The following FAM227B variants were observed in gnomAD, a reference collection of about 807,000 sequenced individuals.
FAM227B encodes the protein protein FAM227B.
A neutral mutation model predicts 73.8 loss-of-function variants in FAM227B; 88 were observed. That is an observed-to-expected ratio of 1.19 (90% confidence interval 1.00 to 1.42). The LOEUF is 1.42. Among genes scored for constraint, FAM227B ranks in the 40% most tolerant of loss-of-function variants. The pLI is 0.00. For missense variants in FAM227B, 632 were observed against 590.9 expected, an observed-to-expected ratio of 1.07 and a Z score of -0.72; for synonymous variants, 210 against 190.5, an observed-to-expected ratio of 1.10 and a Z score of -0.84.
rs2051783074 is a variant in FAM227B at position 49,442,682 on chromosome 15, G to C, written c.1012+65529C>G. 4.0e-5 allele frequency among the ~76,000 whole-genome samples: 6 copies of C among 151,662 alleles called. No homozygotes were observed. In the South Asian group the frequency reaches 1.2e-3, roughly 31 times the overall value. On this transcript the variant is annotated intron_variant, in intron 11 of 15. Transcript: ENST00000299338. Reference sequence around the variant, plus strand: ...TTTTATTGTTGCCTGCCATTATAAAGCTGCAGGTAAAGGAAATCTACTAGC... The same window carrying C: ...TTTTATTGTTGCCTGCCATTATAAACCTGCAGGTAAAGGAAATCTACTAGC...
rs555358460 is a variant in FAM227B, at chr15:49,332,462, C to G, written c.1350-613G>C. ...CTCATGATATCTGTCACCAAGTATTCATTCAAGAAATATTTATGAAGGACT... is the reference window on the plus strand; with the variant it reads ...CTCATGATATCTGTCACCAAGTATTGATTCAAGAAATATTTATGAAGGACT... On this transcript the variant is annotated intron_variant, in intron 14 of 15. Transcript: ENST00000299338. 2.6e-5 allele frequency among the ~76,000 whole-genome samples: 4 copies of G among 152,256 alleles called. No individual in the cohort carries two copies. The East Asian group carries it at 7.7e-4, about 29-fold the overall frequency.
chr15:49,560,315 A>G (rs2074140053), intron 9 of FAM227B, among the ~76,000 whole-genome samples: 1 of 152,176 alleles, frequency 6.6e-6, no homozygotes, highest in African/African-American at 2.4e-5. Context: ...TAACCCAGTC[A>G]GACAAAAAGA....
At chr15:49,568,139 C>T (rs1667803254) in intron 9 of FAM227B, 106 bp downstream of exon 9, 1 of 1,052,552 alleles carries the variant, frequency 9.5e-7, no homozygotes, top group Non-Finnish European at 1.4e-6. Flanking sequence ...ACTTTGCTTT[C>T]AAAAGTAACA....
chr15:49,466,310 T>C (rs1472931495), intron 11 of FAM227B, among the ~76,000 whole-genome samples: 1 of 152,200 alleles, frequency 6.6e-6, no homozygotes. Flanking sequence ...ATTTGGGAAG[T>C]ACTTGAGTAG....
At chr15:49,489,933 G>C (rs1203502806) in intron 11 of FAM227B, among the ~76,000 whole-genome samples, 2 of 139,866 alleles carry the variant, frequency 1.4e-5, no homozygotes, top group Non-Finnish European at 1.5e-5. Flanking sequence ...GAGACAGAGA[G>C]AGAGAGAGAG....
intron 10 of FAM227B, among the ~76,000 whole-genome samples, chr15:49,516,322 G>A (rs1041546024): frequency 6.6e-6 from 1 of 151,908 alleles, no homozygotes; most frequent in Non-Finnish European, 1.5e-5. Flanking sequence ...ACTAACCTAT[G>A]CTCAGCTTTT....
intron 7 of FAM227B, chr15:49,576,255 T>G (rs1272131205): frequency 6.6e-6 from 1 of 152,482 alleles, no homozygotes. Flanking sequence ...CACCCTCATT[T>G]TAGCCCTCGT....
At chr15:49,565,256 C>T (rs760408671) in intron 9 of FAM227B, among the ~76,000 whole-genome samples, 6 of 151,744 alleles carry the variant, frequency 4.0e-5, no homozygotes, top group African/African-American at 7.3e-5. Context: ...GTGATGGGCA[C>T]CTATAGTCCC....
At chr15:49,592,936 C>T (rs1239402359) in intron 3 of FAM227B, among the ~76,000 whole-genome samples, 6 of 152,318 alleles carry the variant, frequency 3.9e-5, no homozygotes, top group Non-Finnish European at 7.3e-5. Context: ...CCTCGCAGAT[C>T]TCAGACTGCT....
intron 13 of FAM227B, 145 bp from the exon 14 acceptor site, chr15:49,335,641 T>C (rs1271832009): frequency 1.8e-6 from 1 of 552,350 alleles, no homozygotes; most frequent in East Asian, 2.8e-5. Context: ...ATATTATGTC[T>C]GGAGTTACAC....
chr15:49,366,648 C>A, intron 13 of FAM227B: 1 of 1,568,064 alleles, frequency 6.4e-7, no homozygotes, highest in Non-Finnish European at 8.7e-7. Context: ...CAGAGCAGGG[C>A]GGCCGTGGCA....
At position 49,370,295 on chromosome 15, in the gene FAM227B, T is replaced by G. The variant is rs193276715; in HGVS notation, c.1110+1007A>C. Among the ~76,000 whole-genome samples, 514 of 152,364 alleles carry G rather than the reference T, an allele frequency of 3.4e-3. 1 individual carries two copies. The highest frequency in any genetic ancestry group is 5.3e-3 in the Non-Finnish European group (363 of 68,036). ...GCAGCATCCTCTGAAAAAGGTTGTT[T>G]AATCTGTTACAAACCCATGTGTTAG... On this transcript the variant is annotated intron_variant, in intron 12 of 15. Transcript: ENST00000299338.
At chr15:49,548,234 T>C (rs1332581831) in intron 9 of FAM227B, among the ~76,000 whole-genome samples, 1 of 152,246 alleles carries the variant, frequency 6.6e-6, no homozygotes, top group East Asian at 1.9e-4. Context: ...TGAAGGGATA[T>C]GGAATTTTAT....
chr15:49,544,911 T>C (rs775389520), intron 9 of FAM227B, among the ~76,000 whole-genome samples: 1 of 152,194 alleles, frequency 6.6e-6, no homozygotes, highest in Non-Finnish European at 1.5e-5. Flanking sequence ...TTAGCTAGTA[T>C]TTCGTTGAGG....
At chr15:49,458,050 A>C (rs948218921) in intron 11 of FAM227B, among the ~76,000 whole-genome samples, 1 of 152,010 alleles carries the variant, frequency 6.6e-6, no homozygotes, top group African/African-American at 2.4e-5. Context: ...TGGGGAGATC[A>C]AATGACATAA....
At chr15:49,434,824 A>C (rs184128137) in intron 11 of FAM227B, among the ~76,000 whole-genome samples, 238 of 151,636 alleles carry the variant, frequency 1.6e-3, no homozygotes, top group African/African-American at 5.6e-3. Flanking sequence ...GCAAGGGAAA[A>C]CATCAATAAT....
chr15:49,401,600 CCAAATGTCCAA>C (rs1292711096), intron 11 of FAM227B, among the ~76,000 whole-genome samples: 1 of 131,446 alleles, frequency 7.6e-6, no homozygotes, highest in East Asian at 2.1e-4. Flanking sequence ...TGGAACCAAG[CCAAATGTCCAA>C]CAATGATAGA....
At chr15:49,372,427 G>A (rs1180029226) in intron 11 of FAM227B, among the ~76,000 whole-genome samples, 1 of 152,152 alleles carries the variant, frequency 6.6e-6, no homozygotes, top group Non-Finnish European at 1.5e-5. Context: ...AGTAGAAGGA[G>A]AGGACATAAA....
At chr15:49,550,405 A>ACC (rs1164962313) in intron 9 of FAM227B, among the ~76,000 whole-genome samples, 2 of 150,052 alleles carry the variant, frequency 1.3e-5, no homozygotes, top group East Asian at 4.0e-4. Flanking sequence ...TCCCTCCCGG[A>ACC]CGGGGTGGCT....
Sources: gnomAD v4.1 joint callset for allele counts (sites outside exome capture counted in the v4.1 genomes callset) on GRCh38, gnomAD v4.1.1 for gene constraint, MANE v1.5 for transcripts, NCBI Gene and HGNC (gene_info 2026-07-23, HGNC 2026-07-21) for gene names.